The following EYS variants were observed in gnomAD, a reference collection of about 807,000 sequenced individuals.
EYS encodes the protein protein eyes shut homolog.
A neutral mutation model predicts 282.1 loss-of-function variants in EYS; 250 were observed. That is an observed-to-expected ratio of 0.89 (90% confidence interval 0.80 to 0.98). The LOEUF is 0.98. Among genes scored for constraint, EYS ranks in the 50% least tolerant of loss-of-function variants. The pLI is 0.00. For synonymous variants in EYS, 1,355 were observed against 1,282.9 expected, an observed-to-expected ratio of 1.06 and a Z score of -1.20; for missense variants, 4,016 against 3,709.0, an observed-to-expected ratio of 1.08 and a Z score of -2.15.
chr6:65,397,844 T>C (rs1276462272), intron 7 of EYS, among the ~76,000 whole-genome samples: 1 of 152,036 alleles, frequency 6.6e-6, no homozygotes, highest in Non-Finnish European at 1.5e-5. Flanking sequence ...CTGTTTTCTA[T>C]AGAGATGTAC....
chr6:64,649,457 A>T (rs575362908), intron 22 of EYS, among the ~76,000 whole-genome samples: 1 of 151,936 alleles, frequency 6.6e-6, no homozygotes, highest in African/African-American at 2.4e-5. Flanking sequence ...CCTGCCCCTC[A>T]GCCTCCTGAG....
intron 26 of EYS, among the ~76,000 whole-genome samples, chr6:64,495,881 A>AAATGAT (rs963043455): frequency 2.0e-5 from 3 of 151,936 alleles, no homozygotes; most frequent in Non-Finnish European, 4.4e-5. Context: ...TCTGAGTATT[A>AAATGAT]AATGATATCA....
intron 31 of EYS, among the ~76,000 whole-genome samples, chr6:64,137,410 G>C (rs1271921688): frequency 1.3e-5 from 2 of 152,140 alleles, no homozygotes; most frequent in East Asian, 1.9e-4. Flanking sequence ...TGGCTAAGTA[G>C]TGCAAGAGAC....
chr6:64,279,103 C>T (rs1184282955), intron 30 of EYS, among the ~76,000 whole-genome samples: 1 of 152,096 alleles, frequency 6.6e-6, no homozygotes, highest in Non-Finnish European at 1.5e-5. Context: ...TTAACTTACA[C>T]ATAAAACTTC....
At chr6:65,428,161 C>T (rs1326920094) in intron 5 of EYS, among the ~76,000 whole-genome samples, 1 of 151,964 alleles carries the variant, frequency 6.6e-6, no homozygotes, top group East Asian at 1.9e-4. Flanking sequence ...CTCATCAATT[C>T]TCAAAGGGAA....
At chr6:64,320,423 C>A (rs892477342) in intron 29 of EYS, among the ~76,000 whole-genome samples, 2 of 151,714 alleles carry the variant, frequency 1.3e-5, no homozygotes, top group Non-Finnish European at 2.9e-5. Flanking sequence ...CTACTCCTGT[C>A]AAGTTTAATG....
chr6:63,873,402 T>C (rs878996220), intron 35 of EYS, among the ~76,000 whole-genome samples: 3 of 152,208 alleles, frequency 2.0e-5, no homozygotes, highest in African/African-American at 7.2e-5. Context: ...CAGTCTATCA[T>C]TGATGGACAT....
intron 1 of EYS, among the ~76,000 whole-genome samples, chr6:65,646,903 C>G (rs1316027055): frequency 6.6e-6 from 1 of 151,878 alleles, no homozygotes; most frequent in Non-Finnish European, 1.5e-5. Flanking sequence ...AATTAAGAAC[C>G]ACTTTTACAA....
At chr6:65,425,587 T>C (rs73741574) in intron 5 of EYS, among the ~76,000 whole-genome samples, 2,611 of 152,240 alleles carry the variant, frequency 0.017, 63 homozygotes, top group African/African-American at 0.058. Flanking sequence ...GTGAAAACAA[T>C]GTCTAAAGCA....
At chr6:65,165,083 C>A (rs1581972241) in intron 12 of EYS, among the ~76,000 whole-genome samples, 1 of 151,334 alleles carries the variant, frequency 6.6e-6, no homozygotes, top group East Asian at 2.0e-4. Context: ...TCCTAGTATA[C>A]ACAAAACAAA....
At chr6:64,113,127 C>A (rs1773262244) in intron 31 of EYS, among the ~76,000 whole-genome samples, 1 of 151,982 alleles carries the variant, frequency 6.6e-6, no homozygotes, top group Non-Finnish European at 1.5e-5. Flanking sequence ...ATATGATATA[C>A]AAAGTCCATT....
Position 65,353,610 on chromosome 6 carries a change from C to T in EYS, c.1307G>A (p.Cys436Tyr). 1.9e-6 allele frequency: 3 copies of T among 1,612,056 alleles called. No individual in the cohort carries two copies. Among genetic ancestry groups the T allele is most frequent in the Non-Finnish European group, 2.5e-6 (3 of 1,178,570 alleles). The change falls in exon 9 of 43, where the codon TGC becomes TAC. Residue 436 changes from cysteine to tyrosine, a missense_variant. By Grantham distance (194) the Cys-to-Tyr change is radical. Transcript: ENST00000503581. Reference sequence around the variant, plus strand: ...TGGATTTTTTGTGCACCCTGGAATGCATACATACTGCAAAAAGGAAACAAG... The same window carrying T: ...TGGATTTTTTGTGCACCCTGGAATGTATACATACTGCAAAAAGGAAACAAG... ...FNIIGRFKYV[C>Y]IPGCTKNPCW...
intron 12 of EYS, among the ~76,000 whole-genome samples, chr6:65,244,688 ATT>A (rs11351957): frequency 0.012 from 1,774 of 142,340 alleles, 42 homozygotes; most frequent in African/African-American, 0.038. Context: ...AATTTTTTGT[ATT>A]TTTTTTTTTT....
At chr6:63,783,999 AAG>A (rs1443431409) in intron 39 of EYS, among the ~76,000 whole-genome samples, 2 of 152,318 alleles carry the variant, frequency 1.3e-5, no homozygotes, top group Non-Finnish European at 2.9e-5. Flanking sequence ...TGGAACAAAA[AAG>A]AGGGAATTCT....
chr6:63,871,212 G>A (rs1252578479), intron 35 of EYS, among the ~76,000 whole-genome samples: 1 of 152,148 alleles, frequency 6.6e-6, no homozygotes, highest in Non-Finnish European at 1.5e-5. Flanking sequence ...GCAAGAAGCG[G>A]CCTTGGTCCT....
At chr6:65,160,506 G>A (rs1418514834) in intron 12 of EYS, among the ~76,000 whole-genome samples, 2 of 150,598 alleles carry the variant, frequency 1.3e-5, no homozygotes, top group African/African-American at 2.4e-5. Context: ...CAAAGTTGGG[G>A]GCACTTATCT....
chr6:65,448,554 T>G (rs894923054), intron 5 of EYS, among the ~76,000 whole-genome samples: 1 of 152,064 alleles, frequency 6.6e-6, no homozygotes, highest in African/African-American at 2.4e-5. Flanking sequence ...GTCCTTATTC[T>G]ATTAACACTT....
chr6:65,034,455 G>A (rs1427445329), intron 13 of EYS, among the ~76,000 whole-genome samples: 2 of 152,048 alleles, frequency 1.3e-5, no homozygotes, highest in Admixed American at 1.3e-4. Context: ...GGGCCTGGTG[G>A]GAGGTGTTTG....
At chr6:65,311,151 T>C (rs1769147930) in intron 11 of EYS, among the ~76,000 whole-genome samples, 2 of 152,214 alleles carry the variant, frequency 1.3e-5, no homozygotes, top group Admixed American at 1.3e-4. Context: ...GCGATACGTA[T>C]ATCTATAAAT....
Sources: allele counts gnomAD v4.1 joint callset (sites outside exome capture counted in the v4.1 genomes callset), GRCh38; gene constraint gnomAD v4.1.1; transcripts MANE v1.5; gene names NCBI Gene and HGNC (gene_info 2026-07-23, HGNC 2026-07-21).